Variants in FBXL12 observed in about 807,000 individuals in gnomAD.
The protein encoded by FBXL12 is F-box/LRR-repeat protein 12.
A neutral mutation model predicts 24.9 loss-of-function variants in FBXL12; 22 were observed. The ratio of observed to expected loss-of-function variants is 0.88; its 90% CI spans 0.63 to 1.26. The LOEUF (loss-of-function observed/expected upper bound fraction) is 1.26, where lower values mean the gene tolerates loss of function less well. Among genes scored for constraint, FBXL12 ranks in the 50% most tolerant of loss-of-function variants. FBXL12 has a pLI of 0.00. For synonymous variants in FBXL12, 193 were observed against 193.8 expected (o/e 1.00, Z 0.03); for missense variants, 384 against 434.1 (o/e 0.88, Z 1.03).
Position 9,811,259 on chromosome 19 carries a change from C to T in FBXL12, c.618G>A (p.Arg206=). Residue 206 remains arginine (R), a synonymous_variant, in exon 3 of 3, where the codon AGG becomes AGA. Coordinates refer to ENST00000247977, the MANE Select transcript of FBXL12 (RefSeq NM_017703.3). This position sits in a 1 kb window ranked among gnomAD's most constrained non-coding sequence, Gnocchi z 6.0. ...ACAGGGTGCAGCCCAGCACCTCAAGCCTCTGCAGATAGCTGAGCTCCTGCA... is the reference window on the plus strand; with the variant it reads ...ACAGGGTGCAGCCCAGCACCTCAAGTCTCTGCAGATAGCTGAGCTCCTGCA... ...AGLQELSYLQ[R]LEVLGCTLSA... is the part of the protein sequence containing the mutation. 1 of 1,611,960 alleles carries T rather than the reference C, an allele frequency of 6.2e-7. No homozygotes were observed. The highest frequency in any genetic ancestry group is 8.5e-7 in the Non-Finnish European group (1 of 1,180,006).
At chr19:9,818,026 C>A (rs957837423) in intron 2 of FBXL12, 7 of 251,944 alleles carry the variant, frequency 2.8e-5, no homozygotes, top group Non-Finnish European at 7.5e-6. Flanking sequence ...CCAGCCTGGG[C>A]AGCATAGTGA....
In FBXL12 at chr19:9,818,901, G is replaced by T; in HGVS notation, c.-88C>A. 7.9e-7 allele frequency: 1 copy of T among 1,260,802 alleles called. No individual in the cohort carries two copies. Among genetic ancestry groups the T allele is most frequent in the South Asian group, 1.4e-5 (1 of 73,478 alleles). The allele number at this position is 1,260,802 out of a possible 1,614,324, so 78.1% of individuals were successfully genotyped here. On this transcript the variant is annotated 5_prime_UTR_variant, in exon 1 of 3. Coordinates refer to ENST00000247977, the MANE Select transcript of FBXL12 (RefSeq NM_017703.3). ...AGGCGGCTGACAGGGCGGCGGCCGC[G>T]ACCTTCCCGTAGCCGGTCGAGAAAT...
chr19:9,811,063 T>A lies in FBXL12; in HGVS notation c.814A>T (p.Thr272Ser). 2 of 1,610,452 alleles carry A rather than the reference T, an allele frequency of 1.2e-6. No individual in the cohort carries two copies. Among genetic ancestry groups the A allele is most frequent in the Non-Finnish European group, 1.7e-6 (2 of 1,178,106 alleles). Residue 272 changes from threonine (T) to serine (S), a missense_variant, in exon 3 of 3, where the codon ACT becomes TCT. Coordinates refer to ENST00000247977, the MANE Select transcript of FBXL12 (RefSeq NM_017703.3). The surrounding 1 kb of genome is among the most constrained non-coding windows in gnomAD (Gnocchi z 6.0). Reference sequence around the variant, plus strand: ...GTGAGGCAGGAGGAGAGGATTTCAGTGGGGGAGGGCATTTCTGGGGTGACG... The same window carrying A: ...GTGAGGCAGGAGGAGAGGATTTCAGAGGGGGAGGGCATTTCTGGGGTGACG... ...PLVTPEMPSP[T>S]EILSSCLTMP... is the part of the protein sequence containing the mutation.
At position 9,811,072 on chromosome 19, in the gene FBXL12, G is replaced by A. The variant is rs1234683294; in HGVS notation, c.805C>T (p.Pro269Ser). The A allele has an allele frequency of 1.2e-6, 2 of 1,611,900 alleles. No homozygotes were observed. The highest frequency in any genetic ancestry group is 1.1e-5 in the South Asian group (1 of 90,960). ...LQGPLVTPEMPSPTEILSSCL... is the reference protein window; with the variant it reads ...LQGPLVTPEMSSPTEILSSCL... Reference sequence around the variant, plus strand: ...GAGGAGAGGATTTCAGTGGGGGAGGGCATTTCTGGGGTGACGAGGGGACCC... The same window carrying A: ...GAGGAGAGGATTTCAGTGGGGGAGGACATTTCTGGGGTGACGAGGGGACCC... The change falls in exon 3 of 3, where the codon CCC (proline) becomes TCC (serine). Residue 269 changes from proline to serine, a missense_variant. Transcript: ENST00000247977. The surrounding 1 kb of genome is among the most constrained non-coding windows in gnomAD (Gnocchi z 6.0).
rs1305784926 is a variant in FBXL12 at position 9,811,766 on chromosome 19, C to T, written c.160-49G>A. The T allele has an allele frequency of 2.1e-6, 3 of 1,448,590 alleles. No individual in the cohort carries two copies. The highest frequency in any genetic ancestry group is 2.8e-6 in the Non-Finnish European group (3 of 1,087,468). 89.7% of individuals were successfully genotyped at this position (1,448,590 alleles called of 1,614,324 possible). On this transcript the variant is annotated intron_variant, in intron 2 of 2. Coordinates refer to ENST00000247977, the MANE Select transcript of FBXL12 (RefSeq NM_017703.3). The surrounding 1 kb of genome is among the most constrained non-coding windows in gnomAD (Gnocchi z 6.0). ...GACAGAGTGAGAGGTATGGAGCTTC[C>T]AAGGCCCCTGCTGGGCTGGAGACAC...
chr19:9,818,144 C>T (rs1267121878), intron 2 of FBXL12: 5 of 401,698 alleles, frequency 1.2e-5, no homozygotes, highest in African/African-American at 1.0e-4. Context: ...CTTGGGAGGT[C>T]GAGGCTGCAA....
chr19:9,816,782 C>T (rs1009377015), intron 2 of FBXL12, among the ~76,000 whole-genome samples: 10 of 152,298 alleles, frequency 6.6e-5, no homozygotes, highest in Admixed American at 1.3e-4. Context: ...CCCCACTTAC[C>T]GCTACCAATT....
chr19:9,816,530 A>G (rs2045888636), intron 2 of FBXL12, among the ~76,000 whole-genome samples: 1 of 152,204 alleles, frequency 6.6e-6, no homozygotes, highest in African/African-American at 2.4e-5. Flanking sequence ...AAACATAACA[A>G]GAGTCACCTT....
intron 2 of FBXL12, among the ~76,000 whole-genome samples, chr19:9,813,887 C>G (rs1288873901): frequency 6.6e-6 from 1 of 151,946 alleles, no homozygotes; most frequent in East Asian, 2.0e-4. Flanking sequence ...GATCTGTCCA[C>G]CTCGGCCTCC....
chr19:9,818,315 A>G, intron 2 of FBXL12: 1 of 577,586 alleles, frequency 1.7e-6, no homozygotes, highest in Non-Finnish European at 3.1e-6. Context: ...AAGTCCCATA[A>G]TAGCCCCGTG....
At chr19:9,813,220 A>G (rs2045799553) in intron 2 of FBXL12, 1 of 1,229,952 alleles carries the variant, frequency 8.1e-7, no homozygotes, top group African/African-American at 1.6e-5. Context: ...AGAAAAAGTT[A>G]GCATGCTTAC....
At chr19:9,817,002 G>A (rs189433000) in intron 2 of FBXL12, among the ~76,000 whole-genome samples, 1 of 152,284 alleles carries the variant, frequency 6.6e-6, no homozygotes, top group African/African-American at 2.4e-5. Flanking sequence ...GATCTTGTGA[G>A]ACTTATTCAC....
At position 9,811,117 on chromosome 19, in the gene FBXL12, G is replaced by C; in HGVS notation, c.760C>G (p.Leu254Val). Residue 254 changes from leucine to valine, a missense_variant, in exon 3 of 3, where the codon CTG becomes GTG. Leu to Val is a conservative substitution (Grantham distance 32). Coordinates refer to ENST00000247977, the MANE Select transcript of FBXL12 (RefSeq NM_017703.3). The surrounding 1 kb of genome is among the most constrained non-coding windows in gnomAD (Gnocchi z 6.0). ...GGACCCTGCAGGCACAGACTCTCCAGGGCCGGCATTCCCTCCAGCACAGCC... is the reference window on the plus strand; with the variant it reads ...GGACCCTGCAGGCACAGACTCTCCACGGCCGGCATTCCCTCCAGCACAGCC... The part of the protein sequence containing the change: ...GLAVLEGMPA[L>V]ESLCLQGPLV... 1 of 1,605,738 alleles carries C rather than the reference G, an allele frequency of 6.2e-7. No individual in the cohort carries two copies. The highest frequency in any genetic ancestry group is 8.5e-7 in the Non-Finnish European group (1 of 1,173,108).
intron 2 of FBXL12, among the ~76,000 whole-genome samples, chr19:9,815,511 G>A (rs2045860548): frequency 1.3e-5 from 2 of 152,130 alleles, no homozygotes; most frequent in Admixed American, 1.3e-4. Context: ...CTCTGTGTGG[G>A]GGCTCTGACC....
At chr19:9,815,574 C>A (rs188271348) in intron 2 of FBXL12, among the ~76,000 whole-genome samples, 2 of 152,202 alleles carry the variant, frequency 1.3e-5, no homozygotes, top group Admixed American at 6.5e-5. Context: ...AGGGCCCCAC[C>A]CCTGTAGCAA....
chr19:9,815,607 A>G (rs1402819120), intron 2 of FBXL12, among the ~76,000 whole-genome samples: 1 of 150,708 alleles, frequency 6.6e-6, no homozygotes, highest in African/African-American at 2.4e-5. Context: ...ACATCCAGGC[A>G]TTTCCACACA....
chr19:9,814,975 A>T (rs1163688196), intron 2 of FBXL12, among the ~76,000 whole-genome samples: 1 of 152,102 alleles, frequency 6.6e-6, no homozygotes, highest in Non-Finnish European at 1.5e-5. Flanking sequence ...ACAACCAATC[A>T]TGGCTTCCCA....
Position 9,818,936 on chromosome 19 carries a change from C to A in FBXL12, c.-123G>T. The A allele has an allele frequency of 1.1e-6, 1 of 910,690 alleles. No individual in the cohort carries two copies. Among genetic ancestry groups the A allele is most frequent in the South Asian group, 1.7e-5 (1 of 60,564 alleles). 56.4% of individuals were successfully genotyped at this position (910,690 alleles called of 1,614,324 possible). The stretch of plus-strand genomic sequence containing the variant: ...TAGCCGGTCGAGAAATTTGACCTTC[C>A]TCTCGCTGGGAAGTGATTCGGTCCC... On this transcript the variant is annotated 5_prime_UTR_variant, in exon 1 of 3. The change creates a new upstream start codon in the 5' untranslated region. Coordinates refer to ENST00000247977, the MANE Select transcript of FBXL12 (RefSeq NM_017703.3).
rs2045732832 is a variant in FBXL12, at chr19:9,811,021, C to G, written c.856G>C (p.Val286Leu). ...SSCLTMPKLR[V>L]LELQGLGWEG... is the part of the protein sequence containing the mutation. ...CACCCCAGCCCCTGCAGCTCAAGGA[C>G]TCTGAGCTTGGGCATAGTGAGGCAG... is the stretch of plus-strand genomic sequence containing the variant. Residue 286 changes from valine (V) to leucine (L), a missense_variant, in exon 3 of 3, where the codon GTC (valine) becomes CTC (leucine). Physicochemically the swap from Val to Leu is conservative, Grantham distance 32. Coordinates refer to ENST00000247977, the MANE Select transcript of FBXL12 (RefSeq NM_017703.3). This position sits in a 1 kb window ranked among gnomAD's most constrained non-coding sequence, Gnocchi z 6.0. The G allele has an allele frequency of 1.2e-6, 2 of 1,613,566 alleles. No homozygotes were observed. The highest frequency in any genetic ancestry group is 2.2e-5 in the South Asian group (2 of 91,000).
Sources: gnomAD v4.1 joint callset for allele counts (sites outside exome capture counted in the v4.1 genomes callset) on GRCh38, gnomAD v4.1.1 for gene constraint, Gnocchi (gnomAD v3.1) non-coding constraint, MANE v1.5 for transcripts, NCBI Gene and HGNC (gene_info 2026-07-23, HGNC 2026-07-21) for gene names.